Variants in HTT observed in about 807,000 individuals in gnomAD.
HTT encodes the protein huntingtin.
Under a neutral mutation model 362.3 loss-of-function variants are expected in HTT, and 104 were observed. That is an observed-to-expected ratio of 0.29 (90% confidence interval 0.24 to 0.34). The LOEUF is 0.34. Among genes scored for constraint, HTT ranks in the 10% least tolerant of loss-of-function variants. The pLI, the probability that HTT is intolerant of heterozygous loss-of-function variation, is 1.00. For synonymous variants in HTT, 1,577 were observed against 1,548.7 expected (o/e 1.02, Z -0.43); for missense variants, 3,301 against 3,928.6 (o/e 0.84, Z 4.27).
chr4:3,094,647 G>A (rs1239912890), intron 2 of HTT, among the ~76,000 whole-genome samples: 3 of 144,508 alleles, frequency 2.1e-5, no homozygotes, highest in East Asian at 4.0e-4. Context: ...CCTCCCGGAC[G>A]GGGCGGGTGG....
At position 3,236,107 on chromosome 4, in the gene HTT, G is replaced by A. The variant is rs760657796; in HGVS notation, c.8786-42G>A. On this transcript the variant is annotated intron_variant, in intron 63 of 66. Transcript: ENST00000355072. ...AAGCACTGTCTACAGAGCCTATTGG[G>A]TTGTATAGAGGTAACCTTCGTACTG... 7.2e-6 allele frequency: 10 copies of A among 1,388,000 alleles called. 1 individual carries two copies. In the South Asian group the frequency reaches 1.2e-4, roughly 16 times the overall value. 86.0% of individuals were successfully genotyped at this position (1,388,000 alleles called of 1,614,324 possible). A position where few individuals can be genotyped will look rare whatever the true frequency, so the allele number is the denominator to read the frequency against.
intron 33 of HTT, 136 bp downstream of exon 33, chr4:3,175,243 A>T: frequency 1.2e-6 from 1 of 828,100 alleles, no homozygotes; most frequent in Non-Finnish European, 1.9e-6. Context: ...TATCTTTTTC[A>T]TGCACCTAGC....
chr4:3,137,350 T>C (rs1356342196), intron 21 of HTT, among the ~76,000 whole-genome samples: 1 of 152,250 alleles, frequency 6.6e-6, no homozygotes, highest in African/African-American at 2.4e-5. Context: ...GCCCATTTGC[T>C]GTAACCTCCG....
At chr4:3,118,305 A>G (rs1273267475) in intron 8 of HTT, among the ~76,000 whole-genome samples, 3 of 152,314 alleles carry the variant, frequency 2.0e-5, no homozygotes, top group South Asian at 4.1e-4. Flanking sequence ...TGATGCTTTT[A>G]AGAAGGCTGC....
At chr4:3,212,752 G>T in intron 49 of HTT, 43 bp downstream of exon 49, 1 of 1,607,628 alleles carries the variant, frequency 6.2e-7, no homozygotes, top group Non-Finnish European at 8.5e-7. Context: ...TGGGGAGGGG[G>T]CATGGGGCTG....
intron 29 of HTT, among the ~76,000 whole-genome samples, chr4:3,166,824 C>T (rs1405645740): frequency 6.6e-6 from 1 of 152,236 alleles, no homozygotes; most frequent in Admixed American, 6.5e-5. Flanking sequence ...GAGTGTACTG[C>T]TCCTTCAGGT....
At position 3,127,559 on chromosome 4, in the gene HTT, C is replaced by T. The variant is rs756855367; in HGVS notation, c.1698C>T (p.Thr566=). The T allele has an allele frequency of 8.7e-6, 14 of 1,613,960 alleles. No homozygotes were observed. The East Asian group carries it at 8.9e-5, about 10-fold the overall frequency. ...SPISDSSQTT[T]EGPDSAVTPS... ...TCAGCGACAGCTCCCAGACCACCAC[C>T]GAAGGGCCTGATTCAGCTGTTACCC... Residue 566 remains threonine (T), a synonymous_variant, in exon 12 of 67, where the codon ACC becomes ACT. Coordinates refer to ENST00000355072, the MANE Select transcript of HTT (RefSeq NM_001388492.1).
intron 2 of HTT, among the ~76,000 whole-genome samples, chr4:3,098,995 A>G (rs1217675202): frequency 5.9e-5 from 9 of 152,238 alleles, no homozygotes; most frequent in Non-Finnish European, 7.3e-5. Context: ...TTTTAGATTT[A>G]TAGAAAAAAA....
Position 3,127,579 on chromosome 4 carries a change from T to TTACCCCTTCAGA in HTT, c.1719_1730dup (p.Thr574_Asp577dup). The TTACCCCTTCAGA allele has an allele frequency of 6.2e-7, 1 of 1,613,458 alleles. No homozygotes were observed. The highest frequency in any genetic ancestry group is 8.5e-7 in the Non-Finnish European group (1 of 1,179,458). On this transcript the variant is annotated inframe_insertion, in exon 12 of 67. Transcript: ENST00000355072. Reference sequence around the variant, plus strand: ...ACCACCGAAGGGCCTGATTCAGCTGTTACCCCTTCAGACAGTTCTGAAATT... The same window carrying TTACCCCTTCAGA: ...ACCACCGAAGGGCCTGATTCAGCTGTTACCCCTTCAGATACCCCTTCAGACAGTTCTGAAATT...
chr4:3,168,167 C>T (rs1717800862), intron 29 of HTT, among the ~76,000 whole-genome samples: 1 of 152,224 alleles, frequency 6.6e-6, no homozygotes, highest in African/African-American at 2.4e-5. Flanking sequence ...CACAGCAGTT[C>T]TGAGGCAGCT....
chr4:3,231,111 A>T (rs1721227562), intron 60 of HTT, among the ~76,000 whole-genome samples: 1 of 152,244 alleles, frequency 6.6e-6, no homozygotes, highest in Non-Finnish European at 1.5e-5. Context: ...CAGAACTGTC[A>T]GAGCTGGCAC....
chr4:3,142,915 G>T, intron 23 of HTT, 29 bp downstream of exon 23: 1 of 1,603,320 alleles, frequency 6.2e-7, no homozygotes, highest in South Asian at 1.1e-5. Flanking sequence ...CGGTCTTACT[G>T]ACATTGTAAT....
chr4:3,230,939 C>T lies in HTT; in HGVS notation c.8265+897C>T, dbSNP rs909857525. 1.8e-4 allele frequency among the ~76,000 whole-genome samples: 27 copies of T among 152,212 alleles called. 1 individual carries two copies. Among genetic ancestry groups the T allele is most frequent in the Admixed American group, 1.8e-3 (27 of 15,288 alleles). On this transcript the variant is annotated intron_variant, in intron 60 of 66. Transcript: ENST00000355072. The stretch of plus-strand genomic sequence containing the variant: ...GGTCAAGTGTTCATCCTCTTGAGTT[C>T]CTCCTTATTCTGCTTCTGGTTTATC...
At chr4:3,153,421 C>G (rs1039136773) in intron 26 of HTT, among the ~76,000 whole-genome samples, 1 of 152,278 alleles carries the variant, frequency 6.6e-6, no homozygotes, top group Admixed American at 6.5e-5. Context: ...AGTCATCTTG[C>G]CTTCACTCTG....
At chr4:3,233,432 G>T (rs1323794598) in intron 61 of HTT, 79 bp downstream of exon 61, 1 of 1,397,766 alleles carries the variant, frequency 7.2e-7, no homozygotes, top group African/African-American at 1.4e-5. Flanking sequence ...CTCTCCAAGT[G>T]CCCAGGCTCC....
chr4:3,082,129 T>G (rs1474102156), intron 1 of HTT, among the ~76,000 whole-genome samples: 1 of 152,226 alleles, frequency 6.6e-6, no homozygotes, highest in Admixed American at 6.5e-5. Context: ...ATTTTTTTAC[T>G]TAACAATGTG....
intron 8 of HTT, among the ~76,000 whole-genome samples, chr4:3,118,783 A>G (rs1715156143): frequency 6.6e-6 from 1 of 152,240 alleles, no homozygotes; most frequent in Admixed American, 6.5e-5. Flanking sequence ...CCTTTCTCCA[A>G]AGTAAATAAA....
At chr4:3,160,968 A>G (rs2110218658) in intron 29 of HTT, among the ~76,000 whole-genome samples, 1 of 152,210 alleles carries the variant, frequency 6.6e-6, no homozygotes, top group East Asian at 1.9e-4. Flanking sequence ...CATGTGCAGA[A>G]TGTGCAGTTT....
In HTT at chr4:3,217,758, T is replaced by C. The variant is rs148904691; in HGVS notation, c.7055-7T>C. ...AAAAAGTCCTCTCTTAACCGTTGCT[T>C]GTTTAGATCCTAAGTATATCACTGC... On this transcript the variant is annotated splice_polypyrimidine_tract_variant and splice_region_variant and intron_variant, in intron 51 of 66. Coordinates refer to ENST00000355072, the MANE Select transcript of HTT (RefSeq NM_001388492.1). 145 of 1,607,624 alleles carry C rather than the reference T, an allele frequency of 9.0e-5. No individual in the cohort carries two copies. The African/African-American group carries it at 1.8e-3, about 20-fold the overall frequency.
Sources: allele counts gnomAD v4.1 joint callset (sites outside exome capture counted in the v4.1 genomes callset), GRCh38; gene constraint gnomAD v4.1.1; transcripts MANE v1.5; gene names NCBI Gene and HGNC (gene_info 2026-07-23, HGNC 2026-07-21).